The following PPP6R1 variants were observed in gnomAD, a reference collection of about 807,000 sequenced individuals.
PPP6R1 encodes serine/threonine-protein phosphatase 6 regulatory subunit 1.
A neutral mutation model predicts 104.6 loss-of-function variants in PPP6R1; 39 were observed. The observed-to-expected ratio is 0.37, with a 90% CI of 0.29 to 0.49. The LOEUF is 0.49. PPP6R1 is among the 20% of genes least tolerant of loss of function. PPP6R1 has a pLI of 0.98. For missense variants in PPP6R1, 1,181 were observed against 1,155.8 expected, an observed-to-expected ratio of 1.02 and a Z score of -0.32; for synonymous variants, 549 against 479.0, an observed-to-expected ratio of 1.15 and a Z score of -1.91.
chr19:55,248,026 T>C (rs76224607), intron 1 of PPP6R1, among the ~76,000 whole-genome samples: 6,951 of 152,240 alleles, frequency 0.046, 445 homozygotes, highest in African/African-American at 0.14. Flanking sequence ...CGCTCGTGCA[T>C]GGGAACTCAC....
At chr19:55,251,266 C>T (rs200761647) in intron 1 of PPP6R1, among the ~76,000 whole-genome samples, 2 of 152,174 alleles carry the variant, frequency 1.3e-5, no homozygotes, top group East Asian at 1.9e-4. Flanking sequence ...CTAGAACCTT[C>T]CCCCTAGGTT....
Position 55,244,745 on chromosome 19 carries a change from C to A in PPP6R1, c.618+375G>T, listed in dbSNP as rs188191631. Among the ~76,000 whole-genome samples the A allele has an allele frequency of 3.3e-5, 5 of 151,824 alleles. No homozygotes were observed. The East Asian group carries it at 9.7e-4, about 29-fold the overall frequency. On this transcript the variant is annotated intron_variant, in intron 5 of 23. Transcript: ENST00000412770. Reference sequence around the variant, plus strand: ...CTCTCTTTTCTCACCAATTTCTTTTCTTTCTTTTTTTTTTTTTGAGACAGG... The same window carrying A: ...CTCTCTTTTCTCACCAATTTCTTTTATTTCTTTTTTTTTTTTTGAGACAGG...
intron 15 of PPP6R1, chr19:55,238,963 G>A (rs1482044683): frequency 5.6e-6 from 1 of 177,600 alleles, no homozygotes; most frequent in Admixed American, 5.8e-5. Context: ...GAGGCCTGTG[G>A]AGGGGAAAAC....
chr19:55,230,935 G>T, intron 21 of PPP6R1, 51 bp from the exon 22 acceptor site: 2 of 1,426,838 alleles, frequency 1.4e-6, no homozygotes, highest in Non-Finnish European at 9.7e-7. Flanking sequence ...ACCGTCACCT[G>T]CTGACACCCT....
rs1252707067 is a variant in PPP6R1, at chr19:55,258,812, G to A, written c.-384C>T. On this transcript the variant is annotated 5_prime_UTR_variant, in exon 1 of 24. Coordinates refer to ENST00000412770, the MANE Select transcript of PPP6R1 (RefSeq NM_014931.4). ...CCGGGAAGACGGGGGAAGTTGCCCC[G>A]GTTTCCACAGTCCAACCGAGCGCCC... is the stretch of plus-strand genomic sequence containing the variant. 13 of 152,134 alleles carry A rather than the reference G, an allele frequency of 8.5e-5. No individual in the cohort carries two copies. Among genetic ancestry groups the A allele is most frequent in the African/African-American group, 2.4e-4 (10 of 41,434 alleles). The allele number at this position is 152,134 out of a possible 1,614,324, so 9.4% of individuals were successfully genotyped here.
At position 55,230,545 on chromosome 19, in the gene PPP6R1, G is replaced by A; in HGVS notation, c.2643-14C>T. 1.2e-6 allele frequency: 2 copies of A among 1,613,600 alleles called. No individual in the cohort carries two copies. The highest frequency in any genetic ancestry group is 2.7e-5 in the African/African-American group (2 of 75,048). On this transcript the variant is annotated splice_polypyrimidine_tract_variant and intron_variant, in intron 23 of 23. Transcript: ENST00000412770. Reference sequence around the variant, plus strand: ...CCAGGCAGCTATCTGGAAACAGAGGGAGATGTCGTGTGAGGGTCTAGCAGG... The same window carrying A: ...CCAGGCAGCTATCTGGAAACAGAGGAAGATGTCGTGTGAGGGTCTAGCAGG...
In PPP6R1 at chr19:55,242,294, G is replaced by C; in HGVS notation, c.732-15C>G. The C allele has an allele frequency of 1.2e-6, 2 of 1,613,622 alleles. No homozygotes were observed. The highest frequency in any genetic ancestry group is 1.7e-6 in the Non-Finnish European group (2 of 1,179,576). On this transcript the variant is annotated splice_polypyrimidine_tract_variant and intron_variant, in intron 6 of 23. Transcript: ENST00000412770. ...TCGTCTCCTGCCTGCGGGGGCAGGG[G>C]CAGGGGTCAGGGTGAGGGGCCAGGG... is the stretch of plus-strand genomic sequence containing the variant.
chr19:55,236,973 A>G lies in PPP6R1; in HGVS notation c.1752-3T>C, dbSNP rs1272523711. On this transcript the variant is annotated splice_region_variant and splice_polypyrimidine_tract_variant and intron_variant, in intron 15 of 23. Transcript: ENST00000412770. The stretch of plus-strand genomic sequence containing the variant: ...TGGCTGTCTTGTCAAAAGGTGCGCT[A>G]GGAGAGAAGGCAAGGCATGGTGAGA... 5 of 1,609,416 alleles carry G rather than the reference A, an allele frequency of 3.1e-6. No homozygotes were observed. The highest frequency in any genetic ancestry group is 4.3e-6 in the Non-Finnish European group (5 of 1,175,852).
At chr19:55,256,146 G>A (rs774668452) in intron 1 of PPP6R1, among the ~76,000 whole-genome samples, 33 of 152,340 alleles carry the variant, frequency 2.2e-4, no homozygotes, top group Non-Finnish European at 3.5e-4. Context: ...AACAGTAGAT[G>A]AACCAACAAA....
At chr19:55,252,574 GT>G (rs1327931414) in intron 1 of PPP6R1, among the ~76,000 whole-genome samples, 1 of 152,000 alleles carries the variant, frequency 6.6e-6, no homozygotes, top group Admixed American at 6.6e-5. Flanking sequence ...TTTTGTGTGT[GT>G]TTTTTTAGTA....
intron 17 of PPP6R1, among the ~76,000 whole-genome samples, chr19:55,234,609 T>C (rs1404422850): frequency 6.6e-6 from 1 of 152,208 alleles, no homozygotes; most frequent in African/African-American, 2.4e-5. Flanking sequence ...GACACACTTG[T>C]GCACCAACAA....
At position 55,245,766 on chromosome 19, in the gene PPP6R1, C is replaced by T; in HGVS notation, c.228-88G>A. 1.8e-6 allele frequency: 2 copies of T among 1,133,564 alleles called. No individual in the cohort carries two copies. The highest frequency in any genetic ancestry group is 1.3e-6 in the Non-Finnish European group (1 of 796,834). The allele number at this position is 1,133,564 out of a possible 1,614,324, so 70.2% of individuals were successfully genotyped here. On this transcript the variant is annotated intron_variant, in intron 2 of 23. Transcript: ENST00000412770. This position sits in a 1 kb window ranked among gnomAD's most constrained non-coding sequence, Gnocchi z 6.4. ...GCTCCACCCTCTTCTCTGCACCGGG[C>T]ACTGGGTTTCTGGGAACTGCAGAGA...
chr19:55,231,647 G>A lies in PPP6R1; in HGVS notation c.2328C>T (p.Pro776=). Residue 776 remains proline (P), a synonymous_variant, in exon 20 of 24, where the codon CCC becomes CCT. Coordinates refer to ENST00000412770, the MANE Select transcript of PPP6R1 (RefSeq NM_014931.4). The stretch of plus-strand genomic sequence containing the variant: ...CTTCTGTGGCTTCCTGAGGTGCTGA[G>A]GGGGGTGTGGGGTCCTGAGACCTGG... ...LQLRSQDPTP[P]SAPQEATEGS... 5 of 1,609,786 alleles carry A rather than the reference G, an allele frequency of 3.1e-6. No individual in the cohort carries two copies. The South Asian group carries it at 3.3e-5, about 11-fold the overall frequency.
rs968554341 is a variant in PPP6R1 at position 55,242,505 on chromosome 19, C to G, written c.619-17G>C. The G allele has an allele frequency of 1.2e-6, 2 of 1,604,458 alleles. No homozygotes were observed. The highest frequency in any genetic ancestry group is 3.3e-5 in the Admixed American group (2 of 59,988). On this transcript the variant is annotated splice_polypyrimidine_tract_variant and intron_variant, in intron 5 of 23. Coordinates refer to ENST00000412770, the MANE Select transcript of PPP6R1 (RefSeq NM_014931.4). Reference sequence around the variant, plus strand: ...GGAATGTTGCTGGAACGGGGAGAGACAGGTGAGGATCCTGGTCGGGCCACC... The same window carrying G: ...GGAATGTTGCTGGAACGGGGAGAGAGAGGTGAGGATCCTGGTCGGGCCACC...
chr19:55,229,439 A>G (rs894758261), downstream of PPP6R1: 2 of 152,332 alleles, frequency 1.3e-5, no homozygotes, highest in Non-Finnish European at 2.9e-5. Context: ...CGCAGCCTAC[A>G]CTTCTACCTT....
chr19:55,252,016 A>G (rs2087557445), intron 1 of PPP6R1, among the ~76,000 whole-genome samples: 1 of 152,180 alleles, frequency 6.6e-6, no homozygotes, highest in Non-Finnish European at 1.5e-5. Context: ...GCCAGTCCCA[A>G]GGAACCACAC....
Position 55,241,429 on chromosome 19 carries a change from C to A in PPP6R1, c.1009-38G>T, listed in dbSNP as rs562588931. ...GGAGGCCTGATTCCCAAGGGCTGCC[C>A]TTCCTGCTTCCCCCGCCTCCCCGAG... On this transcript the variant is annotated intron_variant, in intron 8 of 23. Coordinates refer to ENST00000412770, the MANE Select transcript of PPP6R1 (RefSeq NM_014931.4). This position sits in a 1 kb window ranked among gnomAD's most constrained non-coding sequence, Gnocchi z 5.4. 6.9e-6 allele frequency: 11 copies of A among 1,596,410 alleles called. No individual in the cohort carries two copies. The East Asian group carries it at 1.8e-4, about 26-fold the overall frequency.
rs758798489 is a variant in PPP6R1, at chr19:55,239,488, G to T, written c.1668C>A (p.Phe556Leu). The T allele has an allele frequency of 6.2e-7, 1 of 1,613,986 alleles. No homozygotes were observed. Among genetic ancestry groups the T allele is most frequent in the South Asian group, 1.1e-5 (1 of 91,074 alleles). ...AGGCAGAGGTCATGCGCTGCATCTG[G>T]AAGTCCATGAAGGCCTGTGGGGGTG... ...EAVLQQAFMD[F>L]QMQRMTSAFI... The change falls in exon 15 of 24, where the codon TTC becomes TTA. Residue 556 changes from phenylalanine to leucine, a missense_variant. Physicochemically the swap from Phe to Leu is conservative, Grantham distance 22 (BLOSUM62 0). Coordinates refer to ENST00000412770, the MANE Select transcript of PPP6R1 (RefSeq NM_014931.4).
intron 17 of PPP6R1, 43 bp downstream of exon 17, chr19:55,236,600 G>A (rs962331992): frequency 5.2e-5 from 77 of 1,476,558 alleles, no homozygotes; most frequent in Admixed American, 3.4e-4. Flanking sequence ...TGGCCCTGCC[G>A]TGTGGTGGAA....
Sources: allele counts gnomAD v4.1 joint callset (sites outside exome capture counted in the v4.1 genomes callset), GRCh38; gene constraint gnomAD v4.1.1; non-coding constraint Gnocchi (gnomAD v3.1); transcripts MANE v1.5; gene names NCBI Gene and HGNC (gene_info 2026-07-23, HGNC 2026-07-21).